The following SNTG1 variants were observed in gnomAD, a reference collection of about 807,000 sequenced individuals.
SNTG1 encodes syntrophin gamma 1, also known as gamma-1-syntrophin.
SNTG1 carries 39 observed loss-of-function variants against 74.7 expected under a neutral mutation model. That is an observed-to-expected ratio of 0.52 (90% CI 0.40 to 0.68). The LOEUF (loss-of-function observed/expected upper bound fraction) is 0.68, where lower values mean the gene tolerates loss of function less well. SNTG1 is among the 30% of genes least tolerant of loss of function. The pLI, the probability that SNTG1 is intolerant of heterozygous loss-of-function variation, is 0.00. For missense variants in SNTG1, 685 were observed against 609.5 expected, an observed-to-expected ratio of 1.12 and a Z score of -1.30; for synonymous variants, 254 against 217.1, an observed-to-expected ratio of 1.17 and a Z score of -1.49.
At chr8:50,227,342 T>C (rs991406947) in intron 2 of SNTG1, among the ~76,000 whole-genome samples, 2 of 152,082 alleles carry the variant, frequency 1.3e-5, no homozygotes, top group Non-Finnish European at 2.9e-5. Flanking sequence ...ATTCTGATGG[T>C]AAAATCCAAG....
chr8:50,247,231 G>A (rs2086441663), intron 2 of SNTG1, among the ~76,000 whole-genome samples: 1 of 152,036 alleles, frequency 6.6e-6, no homozygotes, highest in South Asian at 2.1e-4. Context: ...TTCTTATAAT[G>A]AGTTATCCAC....
At chr8:50,660,406 AAAGAAAAGAAAGAAAGAAAG>A (rs1384446450) in intron 15 of SNTG1, among the ~76,000 whole-genome samples, 25 of 12,414 alleles carry the variant, frequency 2.0e-3, no homozygotes, top group East Asian at 0.17. Context: ...AAAGAGAAAG[AAAGAAAAGAAAGAAAGAAAG>A]AAGAAAGAAA....
At chr8:50,093,924 G>A (rs950217851) in intron 1 of SNTG1, among the ~76,000 whole-genome samples, 3 of 152,128 alleles carry the variant, frequency 2.0e-5, no homozygotes, top group Non-Finnish European at 2.9e-5. Flanking sequence ...TTCTAGTGTG[G>A]TTAACTTGAG....
At chr8:50,186,385 G>T (rs866471228) in intron 2 of SNTG1, among the ~76,000 whole-genome samples, 25 of 152,008 alleles carry the variant, frequency 1.6e-4, no homozygotes, top group African/African-American at 6.0e-4. Context: ...ATTTCCTATG[G>T]TCAAAGGGTA....
Position 50,449,709 on chromosome 8 carries a change from C to T in SNTG1, c.261C>T (p.Ile87=). 3 of 1,598,410 alleles carry T rather than the reference C, an allele frequency of 1.9e-6. No homozygotes were observed. Among genetic ancestry groups the T allele is most frequent in the Non-Finnish European group, 2.6e-6 (3 of 1,170,980 alleles). ...ACATTCCAGTTGTCGTTTCAAAAATCTCCAAGGAACAAAGAGGTAATATGT... is the reference window on the plus strand; with the variant it reads ...ACATTCCAGTTGTCGTTTCAAAAATTTCCAAGGAACAAAGAGGTAATATGT... ...EHNIPVVVSK[I]SKEQRAELSG... The change falls in exon 6 of 19, where the codon ATC becomes ATT. Residue 87 remains isoleucine (I), a synonymous_variant. Transcript: ENST00000642720.
At chr8:49,965,653 C>A (rs1023676116) in intron 1 of SNTG1, among the ~76,000 whole-genome samples, 1 of 152,156 alleles carries the variant, frequency 6.6e-6, no homozygotes, top group African/African-American at 2.4e-5. Flanking sequence ...TTGCTCCAAC[C>A]TCTCTAGCCC....
At chr8:50,494,348 T>C (rs1585455296) in intron 8 of SNTG1, among the ~76,000 whole-genome samples, 1 of 152,006 alleles carries the variant, frequency 6.6e-6, no homozygotes, top group Admixed American at 6.6e-5. Flanking sequence ...TGTATTTATA[T>C]TAATAATTGT....
intron 8 of SNTG1, among the ~76,000 whole-genome samples, chr8:50,452,025 A>G (rs937655392): frequency 2.0e-5 from 3 of 152,212 alleles, no homozygotes; most frequent in African/African-American, 7.2e-5. Flanking sequence ...GTTAAAAGCT[A>G]TTTAGAGAAA....
In SNTG1 at chr8:50,336,315, A is replaced by AT. The variant is rs542898104; in HGVS notation, c.-27-57893dup. ...CTATACTCTGAATCTGTATTCATAG[A>AT]TTTTCTCTCAACATCTAGTCAATTC... On this transcript the variant is annotated intron_variant, in intron 2 of 18. Coordinates refer to ENST00000642720, the MANE Select transcript of SNTG1 (RefSeq NM_018967.5). 2.2e-4 allele frequency among the ~76,000 whole-genome samples: 34 copies of AT among 152,222 alleles called. 2 individuals carry two copies. In the South Asian group the frequency reaches 7.0e-3, roughly 32 times the overall value.
intron 1 of SNTG1, among the ~76,000 whole-genome samples, chr8:49,965,289 G>C (rs1302078761): frequency 6.6e-6 from 1 of 152,214 alleles, no homozygotes; most frequent in East Asian, 1.9e-4. Flanking sequence ...GAGGCACTCA[G>C]TAGGTGATGA....
chr8:50,559,877 A>G lies in SNTG1; in HGVS notation c.810+6698A>G, dbSNP rs888013723. The stretch of plus-strand genomic sequence containing the variant: ...ACAAAAGCAAAAATTGACAAATGCA[A>G]TCTAATTAAACTAAAGAGTTTCTGC... On this transcript the variant is annotated intron_variant, in intron 12 of 18. Transcript: ENST00000642720. 7.2e-5 allele frequency among the ~76,000 whole-genome samples: 11 copies of G among 152,228 alleles called. No individual in the cohort carries two copies. In the South Asian group the frequency reaches 1.9e-3, roughly 26 times the overall value.
chr8:50,519,081 C>A (rs1203353762), intron 9 of SNTG1, among the ~76,000 whole-genome samples: 1 of 152,126 alleles, frequency 6.6e-6, no homozygotes, highest in Non-Finnish European at 1.5e-5. Context: ...ATGAATCCAG[C>A]AGCACATCAA....
intron 1 of SNTG1, among the ~76,000 whole-genome samples, chr8:50,005,286 A>T (rs1815111328): frequency 6.6e-6 from 1 of 152,030 alleles, no homozygotes; most frequent in Non-Finnish European, 1.5e-5. Context: ...CTATTATTTT[A>T]TTTTTCAAAA....
At chr8:50,460,552 C>A (rs968124946) in intron 8 of SNTG1, among the ~76,000 whole-genome samples, 3 of 152,096 alleles carry the variant, frequency 2.0e-5, no homozygotes, top group African/African-American at 7.2e-5. Context: ...GTTATAAATT[C>A]TTTCCCAAAG....
intron 2 of SNTG1, among the ~76,000 whole-genome samples, chr8:50,206,918 A>G (rs187861826): frequency 1.6e-4 from 25 of 152,278 alleles, no homozygotes; most frequent in Non-Finnish European, 3.4e-4. Context: ...GATGAAGCCA[A>G]CTTGATTGTG....
At chr8:50,502,904 A>T in intron 9 of SNTG1, 24 bp downstream of exon 9, 2 of 1,524,472 alleles carry the variant, frequency 1.3e-6, no homozygotes, top group Non-Finnish European at 1.8e-6. Context: ...AAGAATAGAT[A>T]AAAGTGCTCA....
chr8:50,587,306 T>C (rs536349385), intron 12 of SNTG1, among the ~76,000 whole-genome samples: 1 of 152,076 alleles, frequency 6.6e-6, no homozygotes, highest in South Asian at 2.1e-4. Flanking sequence ...AATTAGAACA[T>C]TTTGTAAGCA....
chr8:50,319,090 T>G (rs553843998), intron 2 of SNTG1, among the ~76,000 whole-genome samples: 2 of 152,218 alleles, frequency 1.3e-5, no homozygotes, highest in Admixed American at 1.3e-4. Flanking sequence ...TTTCTTCTAT[T>G]TGTTTACCTA....
chr8:50,549,381 C>T (rs747396145), intron 11 of SNTG1, among the ~76,000 whole-genome samples: 22 of 152,072 alleles, frequency 1.4e-4, no homozygotes, highest in Non-Finnish European at 2.8e-4. Context: ...CATCCCCCTA[C>T]CAATTAAGTG....
Sources: allele counts gnomAD v4.1 joint callset (sites outside exome capture counted in the v4.1 genomes callset), GRCh38; gene constraint gnomAD v4.1.1; transcripts MANE v1.5; gene names NCBI Gene and HGNC (gene_info 2026-07-23, HGNC 2026-07-21).